Variants in ADGB observed in about 807,000 individuals in gnomAD.
ADGB encodes the protein androglobin, also known as calpain-7-like protein.
ADGB carries 172 observed loss-of-function variants against 210.5 expected under a neutral mutation model. That is an observed-to-expected ratio of 0.82 (90% CI 0.72 to 0.93). The LOEUF is 0.93. Ranked by LOEUF, ADGB falls within the 40% of genes least tolerant of loss-of-function variation. The pLI is 0.00. For synonymous variants in ADGB, 658 were observed against 662.7 expected (o/e 0.99, Z 0.11); for missense variants, 2,025 against 1,964.8 (o/e 1.03, Z -0.58).
intron 28 of ADGB, among the ~76,000 whole-genome samples, chr6:146,766,770 C>G (rs1429404113): frequency 6.6e-6 from 1 of 151,850 alleles, no homozygotes; most frequent in Non-Finnish European, 1.5e-5. Flanking sequence ...ATTTCAAAAC[C>G]AGATAAAGGT....
At chr6:146,782,320 A>G in intron 30 of ADGB, 128 bp downstream of exon 30, 1 of 978,000 alleles carries the variant, frequency 1.0e-6, no homozygotes, top group Non-Finnish European at 1.5e-6. Context: ...AACCATCTAG[A>G]TACTTTGAGG....
At chr6:146,767,898 G>A (rs556457699) in intron 28 of ADGB, among the ~76,000 whole-genome samples, 2 of 152,260 alleles carry the variant, frequency 1.3e-5, no homozygotes, top group Admixed American at 1.3e-4. Context: ...ATGCTGTTCT[G>A]CTACTACAAC....
At position 146,784,929 on chromosome 6, in the gene ADGB, G is replaced by GGGC. The variant is rs1433475645; in HGVS notation, c.4212+135_4212+136insGGC. On this transcript the variant is annotated intron_variant, in intron 31 of 35. Coordinates refer to ENST00000397944, the MANE Select transcript of ADGB (RefSeq NM_024694.4). The stretch of plus-strand genomic sequence containing the variant: ...TCTGAAATTTTATCAGACAGGCATT[G>GGGC]AATAACTACGTTAGGACCACCTTTG... 12 of 865,844 alleles carry GGGC rather than the reference G, an allele frequency of 1.4e-5. No individual in the cohort carries two copies. In the African/African-American group the frequency reaches 2.1e-4, roughly 15 times the overall value. 53.6% of individuals were successfully genotyped at this position (865,844 alleles called of 1,614,324 possible).
chr6:146,731,576 A>G (rs1296255429), intron 20 of ADGB, among the ~76,000 whole-genome samples: 1 of 152,104 alleles, frequency 6.6e-6, no homozygotes, highest in Non-Finnish European at 1.5e-5. Flanking sequence ...TTACTCATTT[A>G]CCATGGAAGC....
chr6:146,643,176 T>A (rs1035417652), intron 2 of ADGB, among the ~76,000 whole-genome samples: 1 of 151,330 alleles, frequency 6.6e-6, no homozygotes, highest in Non-Finnish European at 1.5e-5. Flanking sequence ...TGCCTGGATA[T>A]TGACGTACAT....
rs1338111844 is a variant in ADGB at position 146,724,209 on chromosome 6, A to G, written c.2119A>G (p.Ile707Val). The change falls in exon 18 of 36, where the codon ATA becomes GTA. Residue 707 changes from isoleucine to valine, a missense_variant. Coordinates refer to ENST00000397944, the MANE Select transcript of ADGB (RefSeq NM_024694.4). ...YGALTKDSPP[I>V]EPGLLTAETF... Reference sequence around the variant, plus strand: ...AGCCTTAACAAAAGACAGTCCTCCCATAGAGCCTGGACTTCTCACAGCTGA... The same window carrying G: ...AGCCTTAACAAAAGACAGTCCTCCCGTAGAGCCTGGACTTCTCACAGCTGA... The G allele has an allele frequency of 2.6e-6, 4 of 1,550,192 alleles. No homozygotes were observed. Among genetic ancestry groups the G allele is most frequent in the African/African-American group, 1.4e-5 (1 of 72,960 alleles).
chr6:146,725,947 C>T (rs189605221), intron 18 of ADGB, 136 bp from the exon 19 acceptor site: 111 of 549,560 alleles, frequency 2.0e-4, no homozygotes, highest in Non-Finnish European at 3.1e-4. Context: ...AGATCCTTAT[C>T]TCATCTGTGT....
chr6:146,798,245 G>C (rs373131241), intron 33 of ADGB, among the ~76,000 whole-genome samples: 1 of 152,002 alleles, frequency 6.6e-6, no homozygotes, highest in East Asian at 1.9e-4. Flanking sequence ...TAATTATGTA[G>C]GTAAATTTTA....
chr6:146,694,308 G>C (rs774964553), intron 12 of ADGB, among the ~76,000 whole-genome samples: 1 of 152,092 alleles, frequency 6.6e-6, no homozygotes, highest in East Asian at 1.9e-4. Flanking sequence ...AGAACTGCAC[G>C]CCAGCAGAGT....
intron 1 of ADGB, among the ~76,000 whole-genome samples, chr6:146,622,266 G>A (rs546569478): frequency 5.8e-4 from 88 of 152,212 alleles, no homozygotes; most frequent in African/African-American, 1.9e-3. Context: ...TAGCAAAGAC[G>A]TTCTGGTGGG....
chr6:146,690,185 A>C (rs1255056152), intron 10 of ADGB, among the ~76,000 whole-genome samples: 1 of 152,154 alleles, frequency 6.6e-6, no homozygotes, highest in African/African-American at 2.4e-5. Flanking sequence ...AGAGCAAGGC[A>C]GTTTCCAGTT....
chr6:146,648,551 G>T (rs1775654305), intron 3 of ADGB, among the ~76,000 whole-genome samples: 1 of 152,064 alleles, frequency 6.6e-6, no homozygotes, highest in Non-Finnish European at 1.5e-5. Context: ...GAGAGGGAGA[G>T]TAAAGGGGGA....
rs1284598964 is a variant in ADGB, at chr6:146,801,886, C to G, written c.4693C>G (p.Gln1565Glu). 3.7e-5 allele frequency: 57 copies of G among 1,550,760 alleles called. No individual in the cohort carries two copies. Among genetic ancestry groups the G allele is most frequent in the Non-Finnish European group, 4.9e-5 (56 of 1,146,640 alleles). Residue 1565 changes from glutamine to glutamate, a missense_variant, in exon 35 of 36, where the codon CAA becomes GAA. Gln to Glu is a conservative substitution (Grantham distance 29, BLOSUM62 2). Transcript: ENST00000397944. ...TGAATTGAATCAGCAGCAGGCAATG[C>G]AAAAGGCGGAAGAAATTCATCAGTT... ...TDELNQQQAM[Q>E]KAEEIHQFRQ... is the part of the protein sequence containing the mutation.
intron 33 of ADGB, among the ~76,000 whole-genome samples, chr6:146,799,685 G>A (rs1488938684): frequency 1.3e-5 from 2 of 152,030 alleles, no homozygotes; most frequent in Non-Finnish European, 2.9e-5. Context: ...TACCACTCTG[G>A]TAGGGGATGT....
intron 2 of ADGB, among the ~76,000 whole-genome samples, chr6:146,636,259 A>C (rs1562261029): frequency 6.6e-6 from 1 of 152,092 alleles, no homozygotes; most frequent in Non-Finnish European, 1.5e-5. Context: ...AGACATAAAC[A>C]TAAGTGCCAG....
At chr6:146,649,161 T>G (rs1775661528) in intron 3 of ADGB, among the ~76,000 whole-genome samples, 1 of 129,262 alleles carries the variant, frequency 7.7e-6, no homozygotes, top group African/African-American at 3.5e-5. Flanking sequence ...TAAAGTTTTG[T>G]TTTTTTTTTT....
At chr6:146,648,851 T>C (rs1276278031) in intron 3 of ADGB, among the ~76,000 whole-genome samples, 4 of 151,742 alleles carry the variant, frequency 2.6e-5, no homozygotes, top group Non-Finnish European at 5.9e-5. Flanking sequence ...TTTTTAGTAA[T>C]GTTAAATTTT....
chr6:146,697,677 G>A (rs1194950443), intron 12 of ADGB, among the ~76,000 whole-genome samples: 2 of 152,072 alleles, frequency 1.3e-5, no homozygotes, highest in African/African-American at 2.4e-5. Flanking sequence ...CATGACCAAC[G>A]TACTTGCCAG....
In ADGB at chr6:146,654,188, A is replaced by G; in HGVS notation, c.384A>G (p.Glu128=). The part of the protein sequence containing the change: ...EITFDLFSAN[E]HLLCSELMRW... ...CGTTTGACTTATTTTCAGCAAATGA[A>G]CATTTACTCTGCAGCGAGGTATGTA... The change falls in exon 4 of 36, where the codon GAA becomes GAG. Residue 128 remains glutamate (E), a synonymous_variant. Transcript: ENST00000397944. The G allele has an allele frequency of 1.3e-6, 2 of 1,545,934 alleles. No homozygotes were observed. The highest frequency in any genetic ancestry group is 1.7e-6 in the Non-Finnish European group (2 of 1,143,072).
Sources: gnomAD v4.1 joint callset for allele counts (sites outside exome capture counted in the v4.1 genomes callset) on GRCh38, gnomAD v4.1.1 for gene constraint, MANE v1.5 for transcripts, NCBI Gene and HGNC (gene_info 2026-07-23, HGNC 2026-07-21) for gene names.